The following VWF variants were observed in gnomAD, a reference collection of about 807,000 sequenced individuals.
VWF encodes the protein von Willebrand factor, also known as Factor VIII related antigen.
Under a neutral mutation model 308.6 loss-of-function variants are expected in VWF, and 176 were observed. The ratio of observed to expected loss-of-function variants is 0.57; its 90% CI spans 0.50 to 0.65. VWF has a LOEUF of 0.65. VWF is among the 30% of genes least tolerant of loss of function. The pLI is 0.00. For synonymous variants in VWF, 1,385 were observed against 1,443.4 expected (o/e 0.96, Z 0.92); for missense variants, 3,146 against 3,648.2 (o/e 0.86, Z 3.55).
At chr12:6,092,673 G>GT (rs1356836169) in intron 6 of VWF, among the ~76,000 whole-genome samples, 17 of 123,700 alleles carry the variant, frequency 1.4e-4, no homozygotes, top group South Asian at 1.2e-3. Context: ...GTGTGTGTGT[G>GT]CTGACCAGCA....
intron 2 of VWF, chr12:6,122,923 T>C (rs1467191971): frequency 2.7e-6 from 2 of 752,008 alleles, no homozygotes; most frequent in East Asian, 4.9e-5. Context: ...CCTTTATGCT[T>C]CTTAATTCCC....
chr12:6,030,010 G>A (rs1055929862), intron 21 of VWF, among the ~76,000 whole-genome samples: 1 of 152,174 alleles, frequency 6.6e-6, no homozygotes, highest in Non-Finnish European at 1.5e-5. Context: ...TGCTAGTGCT[G>A]GGAATCACAC....
rs1246573741 is a variant in VWF, at chr12:6,057,928, C to T, written c.1650G>A (p.Gly550=). The change falls in exon 14 of 52, where the codon GGG becomes GGA. Residue 550 remains glycine, a synonymous_variant. Transcript: ENST00000261405. ...AGTCCCCGTGCAGCTTCCAGGCGTT[C>T]CCGAAGTCCTCCACCCGGGGCTCCG... ...GLAEPRVEDF[G]NAWKLHGDCQ... 5 of 1,613,686 alleles carry T rather than the reference C, an allele frequency of 3.1e-6. No individual in the cohort carries two copies. The highest frequency in any genetic ancestry group is 2.2e-5 in the East Asian group (1 of 44,868).
At chr12:6,051,771 A>G (rs966076664) in intron 16 of VWF, among the ~76,000 whole-genome samples, 21 of 152,012 alleles carry the variant, frequency 1.4e-4, no homozygotes, top group African/African-American at 4.6e-4. Context: ...CACCATGGCC[A>G]ACTATTTTTT....
chr12:6,071,591 C>A (rs1292627390), intron 9 of VWF, among the ~76,000 whole-genome samples: 1 of 152,104 alleles, frequency 6.6e-6, no homozygotes, highest in Non-Finnish European at 1.5e-5. Flanking sequence ...GAAAAAAAAA[C>A]TACCTGATCC....
Position 6,052,654 on chromosome 12 carries a change from C to T in VWF, c.2075G>A (p.Gly692Glu), listed in dbSNP as rs1944529867. ...ACLEGCFCPP[G>E]LYMDERGDCV... Reference sequence around the variant, plus strand: ...GTCCCCCCTCTCATCCATGTAGAGCCCTGGGGGGCAGAAGCAGCCCTCCAG... The same window carrying T: ...GTCCCCCCTCTCATCCATGTAGAGCTCTGGGGGGCAGAAGCAGCCCTCCAG... The change falls in exon 16 of 52, where the codon GGG (glycine) becomes GAG (glutamate). Residue 692 changes from glycine (G) to glutamate (E), a missense_variant. This residue lies in a region of VWF where 1,304 missense variants were observed against 1,353.0 expected (regional missense o/e 0.96). Coordinates refer to ENST00000261405, the MANE Select transcript of VWF (RefSeq NM_000552.5). 1.9e-6 allele frequency: 3 copies of T among 1,614,134 alleles called. No individual in the cohort carries two copies. The highest frequency in any genetic ancestry group is 1.3e-5 in the African/African-American group (1 of 74,944).
chr12:6,064,589 A>G (rs1326352890), intron 11 of VWF, among the ~76,000 whole-genome samples: 1 of 152,182 alleles, frequency 6.6e-6, no homozygotes, highest in Admixed American at 6.5e-5. Context: ...GCATCCTTGC[A>G]CACGCCTTCT....
chr12:6,045,601 G>A (rs555543602), intron 17 of VWF, among the ~76,000 whole-genome samples: 43 of 152,268 alleles, frequency 2.8e-4, no homozygotes, highest in African/African-American at 1.0e-3. Flanking sequence ...ATGCCCTCGG[G>A]ATCTTGCCCC....
chr12:6,023,291 G>A (rs1303771713), intron 25 of VWF, among the ~76,000 whole-genome samples: 3 of 152,120 alleles, frequency 2.0e-5, no homozygotes, highest in Non-Finnish European at 4.4e-5. Flanking sequence ...ATGAATGTAT[G>A]AGTTGATCAC....
intron 38 of VWF, among the ~76,000 whole-genome samples, chr12:5,986,990 T>C (rs996247055): frequency 6.6e-6 from 1 of 152,230 alleles, no homozygotes. Flanking sequence ...TGCAGTGGCA[T>C]GATCTCGGCT....
At chr12:5,968,810 C>T (rs993333414) in intron 45 of VWF, among the ~76,000 whole-genome samples, 3 of 152,154 alleles carry the variant, frequency 2.0e-5, no homozygotes, top group African/African-American at 7.2e-5. Flanking sequence ...GAGAATCTGC[C>T]TCAAACAAAC....
intron 34 of VWF, among the ~76,000 whole-genome samples, chr12:5,996,457 A>G (rs890192947): frequency 1.3e-5 from 2 of 152,182 alleles, no homozygotes; most frequent in Non-Finnish European, 2.9e-5. Context: ...TTTTCCTGTT[A>G]CATAAAATGT....
intron 21 of VWF, among the ~76,000 whole-genome samples, chr12:6,029,991 G>C (rs1452572673): frequency 2.6e-5 from 4 of 152,278 alleles, no homozygotes; most frequent in Middle Eastern, 3.4e-3. Flanking sequence ...AGGAAACTGA[G>C]GTGCTCAGTG....
Position 6,024,595 on chromosome 12 carries a change from C to A in VWF, c.3223-808G>T, listed in dbSNP as rs1382790721. 6.6e-6 allele frequency among the ~76,000 whole-genome samples: 1 copy of A among 152,222 alleles called. No individual in the cohort carries two copies. Among genetic ancestry groups the A allele is most frequent in the African/African-American group, 2.4e-5 (1 of 41,444 alleles). On this transcript the variant is annotated intron_variant, in intron 24 of 51. Transcript: ENST00000261405. This position sits in a 1 kb window ranked among gnomAD's most constrained non-coding sequence, Gnocchi z 4.0. ...GATCCATGTTTTCAACCAGTCTCTC[C>A]CACATTGGTGGTGTTACACAGCAGC...
chr12:6,100,556 G>A (rs1591917743), intron 5 of VWF, among the ~76,000 whole-genome samples: 4 of 151,766 alleles, frequency 2.6e-5, no homozygotes. Context: ...GGAATACTAT[G>A]CAGCCATAAA....
At chr12:6,023,508 T>C in intron 25 of VWF, 123 bp downstream of exon 25, 1 of 1,437,082 alleles carries the variant, frequency 7.0e-7, no homozygotes. Context: ...GGCCATCCAG[T>C]CCCTACTAAC....
rs920817475 is a variant in VWF, at chr12:5,976,223, T to C, written c.7325A>G (p.Gln2442Arg). 1.9e-6 allele frequency: 3 copies of C among 1,614,006 alleles called. No homozygotes were observed. In the African/African-American group the frequency reaches 4.0e-5, roughly 22 times the overall value. ...VHRSTIYPVGQFWEEGCDVCT... is the reference protein window; with the variant it reads ...VHRSTIYPVGRFWEEGCDVCT... ...CACATCGCAGCCCTCCTCCCAGAAC[T>C]GGCCCACAGGGTAGATGGTGCTTCG... is the stretch of plus-strand genomic sequence containing the variant. Residue 2442 changes from glutamine (Q) to arginine (R), a missense_variant, in exon 43 of 52, where the codon CAG (glutamine) becomes CGG (arginine). Physicochemically the swap from Gln to Arg is conservative, Grantham distance 43 (BLOSUM62 1). Around this residue, in one of 3 missense-constraint regions of VWF, gnomAD observed 989 missense variants for 1,117.4 expected, o/e 0.89. Coordinates refer to ENST00000261405, the MANE Select transcript of VWF (RefSeq NM_000552.5).
chr12:6,103,371 T>TATGTGTGTATACAC (rs1945190547), intron 5 of VWF, among the ~76,000 whole-genome samples: 2 of 134,440 alleles, frequency 1.5e-5, no homozygotes, highest in Non-Finnish European at 3.3e-5. Context: ...TATATATGTG[T>TATGTGTGTATACAC]GTGTGTGTAT....
intron 5 of VWF, among the ~76,000 whole-genome samples, chr12:6,105,765 G>A (rs888998262): frequency 7.2e-5 from 11 of 152,154 alleles, no homozygotes; most frequent in South Asian, 6.2e-4. Flanking sequence ...AGCCGGACGC[G>A]GTGGTTCATG....
Sources: gnomAD v4.1 joint callset for allele counts (sites outside exome capture counted in the v4.1 genomes callset) on GRCh38, gnomAD v4.1.1 for gene constraint, gnomAD v4.1.1 regional missense constraint, Gnocchi (gnomAD v3.1) non-coding constraint, MANE v1.5 for transcripts, NCBI Gene and HGNC (gene_info 2026-07-23, HGNC 2026-07-21) for gene names.